The following ANO3 variants were observed in gnomAD, a reference collection of about 807,000 sequenced individuals.
The protein encoded by ANO3 is anoctamin-3.
ANO3 carries 99 observed loss-of-function variants against 144.8 expected under a neutral mutation model. That is an observed-to-expected ratio of 0.68 (90% confidence interval 0.58 to 0.81). The LOEUF (loss-of-function observed/expected upper bound fraction) is 0.81, where lower values mean the gene tolerates loss of function less well. ANO3 is among the 30% of genes least tolerant of loss of function. The probability of loss-of-function intolerance (pLI) is 0.00; values close to 1 mark genes in which losing one functional copy is unlikely to be tolerated. For missense variants in ANO3, 905 were observed against 1,202.2 expected, an observed-to-expected ratio of 0.75 and a Z score of 3.66; for synonymous variants, 414 against 392.6, an observed-to-expected ratio of 1.05 and a Z score of -0.64.
intron 3 of ANO3, among the ~76,000 whole-genome samples, chr11:26,456,197 T>C (rs935060089): frequency 1.3e-4 from 20 of 152,144 alleles, no homozygotes; most frequent in Non-Finnish European, 2.6e-4. Context: ...CCAAAAGTAA[T>C]GGCAACAGAA....
intron 1 of ANO3, among the ~76,000 whole-genome samples, chr11:26,341,454 A>G (rs568658924): frequency 2.6e-5 from 4 of 152,364 alleles, no homozygotes; most frequent in Admixed American, 2.6e-4. Context: ...TTATGAAAAC[A>G]GAAATAAGTG....
chr11:26,414,757 T>TAAAA lies in ANO3; in HGVS notation c.47-27161_47-27160insAAAA, dbSNP rs763202737. On this transcript the variant is annotated intron_variant, in intron 1 of 26. Transcript: ENST00000256737. ...ATGTATACAGGAACTTACAGTAAAGTTAAAAAAAAAAAAAAAAAGAAAGAA... is the reference window on the plus strand; with the variant it reads ...ATGTATACAGGAACTTACAGTAAAGTAAAATAAAAAAAAAAAAAAAAAGAAAGAA... Among the ~76,000 whole-genome samples the TAAAA allele has an allele frequency of 8.8e-5, 7 of 79,570 alleles. 1 individual carries two copies. The highest frequency in any genetic ancestry group is 1.3e-4 in the Admixed American group (1 of 7,600). The allele number at this position is 79,570 out of a possible 152,430, so 52.2% of individuals were successfully genotyped here. A position where few individuals can be genotyped will look rare whatever the true frequency, so the allele number is the denominator to read the frequency against.
intron 3 of ANO3, among the ~76,000 whole-genome samples, chr11:26,454,011 A>G (rs144101924): frequency 1.3e-5 from 2 of 152,196 alleles, no homozygotes; most frequent in African/African-American, 4.8e-5. Flanking sequence ...AGAAATAAAG[A>G]TGTTCTTTGA....
intron 14 of ANO3, among the ~76,000 whole-genome samples, chr11:26,577,132 C>A (rs1055736228): frequency 6.6e-6 from 1 of 152,018 alleles, no homozygotes; most frequent in Non-Finnish European, 1.5e-5. Flanking sequence ...ACTAGAGATG[C>A]AGAAATCTTC....
intron 1 of ANO3, among the ~76,000 whole-genome samples, chr11:26,387,262 A>C (rs1176333937): frequency 6.6e-6 from 1 of 150,874 alleles, no homozygotes; most frequent in Non-Finnish European, 1.5e-5. Context: ...ATGAGCCACC[A>C]CCCACGGCCT....
At chr11:26,306,103 C>A (rs1854374197), upstream of ANO3, among the ~76,000 whole-genome samples, 1 of 150,734 alleles carries the variant, frequency 6.6e-6, no homozygotes, top group Non-Finnish European at 1.5e-5. Context: ...GGACTACAGG[C>A]GCCCGCCACC....
chr11:26,601,893 A>T (rs1013458275), intron 17 of ANO3, among the ~76,000 whole-genome samples: 7 of 152,218 alleles, frequency 4.6e-5, no homozygotes, highest in African/African-American at 1.2e-4. Context: ...TGACAAAAAA[A>T]TTAATAATAG....
intron 17 of ANO3, among the ~76,000 whole-genome samples, chr11:26,616,007 C>G (rs189763100): frequency 1.3e-5 from 2 of 152,200 alleles, no homozygotes; most frequent in East Asian, 3.9e-4. Context: ...GTAATATAAA[C>G]AAGTTTTAAA....
chr11:26,520,233 T>A (rs1862017573), intron 6 of ANO3, among the ~76,000 whole-genome samples: 1 of 152,190 alleles, frequency 6.6e-6, no homozygotes, highest in African/African-American at 2.4e-5. Flanking sequence ...GTGCCACAAG[T>A]GTTGCTCTGT....
At chr11:26,456,478 T>G (rs2134047330) in intron 3 of ANO3, among the ~76,000 whole-genome samples, 1 of 151,276 alleles carries the variant, frequency 6.6e-6, no homozygotes, top group South Asian at 2.1e-4. Context: ...GAAAAAATTC[T>G]CATCATCACT....
At chr11:26,332,444 T>TAAAAAAA (rs56225203) in intron 1 of ANO3, 123 bp downstream of exon 1, 10 of 616,042 alleles carry the variant, frequency 1.6e-5, no homozygotes, top group South Asian at 4.6e-5. Flanking sequence ...TCTGTGAAGT[T>TAAAAAAA]AAAAAAAAAA....
At chr11:26,468,430 C>T (rs2134066675) in intron 4 of ANO3, among the ~76,000 whole-genome samples, 1 of 152,066 alleles carries the variant, frequency 6.6e-6, no homozygotes, top group South Asian at 2.1e-4. Flanking sequence ...AAAATCTGGA[C>T]ATGAATATTT....
intron 1 of ANO3, among the ~76,000 whole-genome samples, chr11:26,434,745 T>C (rs186541583): frequency 5.2e-4 from 79 of 152,344 alleles, no homozygotes; most frequent in Non-Finnish European, 1.0e-3. Context: ...TGAGCAATTT[T>C]TTAAGTCTTC....
chr11:26,202,334 T>C (rs994701799), intron 1 of ANO3, among the ~76,000 whole-genome samples: 2 of 146,400 alleles, frequency 1.4e-5, no homozygotes, highest in Middle Eastern at 3.3e-3. Context: ...ATATGATATA[T>C]ATAATATAGA....
intron 1 of ANO3, among the ~76,000 whole-genome samples, chr11:26,373,962 G>T (rs1219426393): frequency 6.6e-6 from 1 of 152,050 alleles, no homozygotes; most frequent in African/African-American, 2.4e-5. Context: ...AGGACTTATT[G>T]CTATTTTAAT....
intron 1 of ANO3, among the ~76,000 whole-genome samples, chr11:26,211,019 G>T (rs34879862): frequency 0.3 from 45,937 of 151,740 alleles, 7,694 homozygotes; most frequent in Non-Finnish European, 0.37. Flanking sequence ...AATAGACATC[G>T]ACACAACTCT....
At position 26,335,143 on chromosome 11, in the gene ANO3, G is replaced by A. The variant is rs573921548; in HGVS notation, c.46+2822G>A. Among the ~76,000 whole-genome samples the A allele has an allele frequency of 3.7e-4, 57 of 152,194 alleles. 1 individual carries two copies. Among genetic ancestry groups the A allele is most frequent in the South Asian group, 2.5e-3 (12 of 4,830 alleles). On this transcript the variant is annotated intron_variant, in intron 1 of 26. Coordinates refer to ENST00000256737, the MANE Select transcript of ANO3 (RefSeq NM_031418.4). ...TCTCTGGTCTTTATTTTGAGCCCTG[G>A]ATATTAATCCAATATATTCTACTTA...
intron 1 of ANO3, among the ~76,000 whole-genome samples, chr11:26,361,146 A>G (rs902469439): frequency 6.6e-6 from 1 of 152,216 alleles, no homozygotes; most frequent in Non-Finnish European, 1.5e-5. Context: ...TAAAGCCTGG[A>G]TAATGAATAG....
chr11:26,236,630 A>G (rs946401294), intron 1 of ANO3, among the ~76,000 whole-genome samples: 4 of 152,032 alleles, frequency 2.6e-5, no homozygotes, highest in Admixed American at 1.3e-4. Context: ...CATCCTGGCT[A>G]ACACAGTGAA....
Sources: allele counts gnomAD v4.1 joint callset (sites outside exome capture counted in the v4.1 genomes callset), GRCh38; gene constraint gnomAD v4.1.1; transcripts MANE v1.5; gene names NCBI Gene and HGNC (gene_info 2026-07-23, HGNC 2026-07-21).